The following OTUD7A variants were observed in gnomAD, a reference collection of about 807,000 sequenced individuals.
OTUD7A encodes the protein OTU domain-containing protein 7A.
A neutral mutation model predicts 65.7 loss-of-function variants in OTUD7A; 12 were observed. The ratio of observed to expected loss-of-function variants is 0.18; its 90% CI spans 0.12 to 0.30. The LOEUF is 0.30. Ranked by LOEUF, OTUD7A falls within the 10% of genes least tolerant of loss-of-function variation. The pLI is 1.00. For missense variants in OTUD7A, 1,148 were observed against 1,304.8 expected (o/e 0.88, Z 1.85); for synonymous variants, 641 against 586.3 (o/e 1.09, Z -1.35).
chr15:31,785,066 C>G (rs1595766751), intron 1 of OTUD7A, among the ~76,000 whole-genome samples: 1 of 152,190 alleles, frequency 6.6e-6, no homozygotes, highest in East Asian at 1.9e-4. Context: ...CAAGTACATA[C>G]TGATGCATCT....
chr15:31,718,141 C>T (rs1396637405), intron 1 of OTUD7A, among the ~76,000 whole-genome samples: 1 of 152,166 alleles, frequency 6.6e-6, no homozygotes, highest in Admixed American at 6.5e-5. Flanking sequence ...TCTACTTGGT[C>T]CATGTTGATG....
intron 1 of OTUD7A, among the ~76,000 whole-genome samples, chr15:31,760,774 A>G (rs1183805807): frequency 6.6e-6 from 1 of 152,170 alleles, no homozygotes; most frequent in East Asian, 1.9e-4. Context: ...ACAAAGGAGG[A>G]CTCACATTTT....
intron 1 of OTUD7A, among the ~76,000 whole-genome samples, chr15:31,699,158 C>T (rs1351940834): frequency 1.3e-5 from 2 of 150,326 alleles, no homozygotes; most frequent in Non-Finnish European, 3.0e-5. Context: ...CAGCTCACTG[C>T]AAGCTCCACC....
At chr15:31,574,487 T>C (rs567993489) in intron 3 of OTUD7A, among the ~76,000 whole-genome samples, 3 of 152,226 alleles carry the variant, frequency 2.0e-5, no homozygotes, top group Admixed American at 6.5e-5. Flanking sequence ...CTAAAACAGA[T>C]AGATAATAGT....
chr15:31,741,595 AAAG>A (rs1257575581), intron 1 of OTUD7A, among the ~76,000 whole-genome samples: 1 of 152,198 alleles, frequency 6.6e-6, no homozygotes, highest in Non-Finnish European at 1.5e-5. Flanking sequence ...CCCAACAATG[AAAG>A]AAGAATCACA....
At chr15:31,823,683 G>C (rs1308116278) in intron 1 of OTUD7A, among the ~76,000 whole-genome samples, 1 of 152,152 alleles carries the variant, frequency 6.6e-6, no homozygotes, top group Non-Finnish European at 1.5e-5. Flanking sequence ...TCTTGGCTGT[G>C]AACTTCATTT....
At chr15:31,540,797 A>G (rs1390861766) in intron 5 of OTUD7A, among the ~76,000 whole-genome samples, 1 of 152,210 alleles carries the variant, frequency 6.6e-6, no homozygotes, top group East Asian at 1.9e-4. Context: ...TTTATACACC[A>G]AAGTCCTTTT....
chr15:31,538,047 C>T (rs926545695), intron 5 of OTUD7A, among the ~76,000 whole-genome samples: 1 of 152,212 alleles, frequency 6.6e-6, no homozygotes, highest in Admixed American at 6.5e-5. Flanking sequence ...ACGTCCAAGA[C>T]GATCTGTGCA....
At chr15:31,716,842 C>T (rs938360967) in intron 1 of OTUD7A, among the ~76,000 whole-genome samples, 1 of 152,200 alleles carries the variant, frequency 6.6e-6, no homozygotes, top group Non-Finnish European at 1.5e-5. Context: ...GAGGCCTTCA[C>T]CGTGGGGATG....
chr15:31,841,309 C>G (rs1385520053), intron 1 of OTUD7A, among the ~76,000 whole-genome samples: 1 of 152,128 alleles, frequency 6.6e-6, no homozygotes, highest in Non-Finnish European at 1.5e-5. Flanking sequence ...GAAGACAGAG[C>G]CTGGGTCAAA....
At chr15:31,670,890 G>T (rs1892466187) in intron 1 of OTUD7A, among the ~76,000 whole-genome samples, 1 of 152,076 alleles carries the variant, frequency 6.6e-6, no homozygotes, top group Non-Finnish European at 1.5e-5. Context: ...AGCTACTTGG[G>T]AGGCTGAGAC....
At chr15:31,765,921 G>A in intron 1 of OTUD7A, 3 of 1,287,906 alleles carry the variant, frequency 2.3e-6, no homozygotes, top group Non-Finnish European at 3.4e-6. Context: ...TAGAGGTAAA[G>A]TCCTGTTTTT....
chr15:31,771,295 T>C (rs531101961), intron 1 of OTUD7A, among the ~76,000 whole-genome samples: 2 of 152,100 alleles, frequency 1.3e-5, no homozygotes, highest in South Asian at 2.1e-4. Flanking sequence ...GACTATCTAT[T>C]TGTCAGCTCC....
intron 1 of OTUD7A, among the ~76,000 whole-genome samples, chr15:31,718,905 GA>G (rs4041932): frequency 0.98 from 138,547 of 141,800 alleles, 67,715 homozygotes; most frequent in Middle Eastern, 1. Flanking sequence ...AAGTGATTAG[GA>G]AAAAAAAAAA....
At chr15:31,660,146 C>T (rs190511854) in intron 1 of OTUD7A, among the ~76,000 whole-genome samples, 3 of 152,388 alleles carry the variant, frequency 2.0e-5, no homozygotes, top group East Asian at 1.9e-4. Context: ...ATTTATACAT[C>T]CCTGTTAAGG....
At chr15:31,532,072 T>A (rs1887642103) in intron 5 of OTUD7A, among the ~76,000 whole-genome samples, 1 of 152,056 alleles carries the variant, frequency 6.6e-6, no homozygotes, top group African/African-American at 2.4e-5. Context: ...AACACAAGAT[T>A]TAAGTAAGAC....
intron 8 of OTUD7A, among the ~76,000 whole-genome samples, chr15:31,524,537 C>A (rs2041984236): frequency 6.6e-6 from 1 of 151,768 alleles, no homozygotes; most frequent in African/African-American, 2.4e-5. Context: ...GACCCCACCC[C>A]ACCCCACCTG....
At chr15:31,833,123 T>C (rs1241584324) in intron 1 of OTUD7A, among the ~76,000 whole-genome samples, 3 of 152,238 alleles carry the variant, frequency 2.0e-5, no homozygotes, top group Non-Finnish European at 4.4e-5. Flanking sequence ...AGTGATGTTC[T>C]TGATCCTTTT....
intron 3 of OTUD7A, among the ~76,000 whole-genome samples, chr15:31,604,414 G>C (rs1406782661): frequency 6.6e-6 from 1 of 151,966 alleles, no homozygotes; most frequent in Admixed American, 6.6e-5. Context: ...TGGACACACA[G>C]AGGGGAACAT....
Sources: gnomAD v4.1 joint callset for allele counts (sites outside exome capture counted in the v4.1 genomes callset) on GRCh38, gnomAD v4.1.1 for gene constraint, MANE v1.5 for transcripts, NCBI Gene and HGNC (gene_info 2026-07-23, HGNC 2026-07-21) for gene names.